SYNPR: variants seen among roughly 807,000 people sequenced by gnomAD.
SYNPR encodes synaptoporin.
Under a neutral mutation model 32.9 loss-of-function variants are expected in SYNPR, and 23 were observed. That is an observed-to-expected ratio of 0.70 (90% CI 0.50 to 0.99). The LOEUF is 0.99. Ranked by LOEUF, SYNPR falls within the 50% of genes least tolerant of loss-of-function variation. The probability of loss-of-function intolerance (pLI) is 0.00; values close to 1 mark genes in which losing one functional copy is unlikely to be tolerated. For missense variants in SYNPR, 318 were observed against 349.3 expected (o/e 0.91, Z 0.71); for synonymous variants, 146 against 135.9 (o/e 1.07, Z -0.52).
chr3:63,606,806 C>T (rs1487529200), intron 4 of SYNPR, among the ~76,000 whole-genome samples: 1 of 152,162 alleles, frequency 6.6e-6, no homozygotes, highest in African/African-American at 2.4e-5. Context: ...CCTTGCTCCT[C>T]CACTTATTCA....
At chr3:63,506,682 G>A (rs150902966) in intron 3 of SYNPR, among the ~76,000 whole-genome samples, 5 of 152,184 alleles carry the variant, frequency 3.3e-5, no homozygotes, top group African/African-American at 4.8e-5. Context: ...ATCTTTTAAC[G>A]TCACACAATT....
chr3:63,560,527 C>T (rs1006678091), intron 4 of SYNPR, among the ~76,000 whole-genome samples: 13 of 152,308 alleles, frequency 8.5e-5, no homozygotes, highest in Admixed American at 2.6e-4. Flanking sequence ...TTGTTTAAAA[C>T]CCATCCTCTT....
chr3:63,572,162 C>T (rs1702898711), intron 4 of SYNPR, among the ~76,000 whole-genome samples: 1 of 152,138 alleles, frequency 6.6e-6, no homozygotes, highest in East Asian at 1.9e-4. Flanking sequence ...GTGGCACTTT[C>T]AGTTGTGATT....
At chr3:63,551,601 CTCTT>C (rs1297524745) in intron 3 of SYNPR, among the ~76,000 whole-genome samples, 3 of 152,144 alleles carry the variant, frequency 2.0e-5, no homozygotes, top group African/African-American at 7.2e-5. Context: ...CAATCTTATA[CTCTT>C]TCTTTTTATA....
intron 3 of SYNPR, among the ~76,000 whole-genome samples, chr3:63,539,921 T>G (rs954971688): frequency 2.0e-5 from 3 of 152,048 alleles, no homozygotes; most frequent in African/African-American, 7.2e-5. Context: ...TAGGGCTGAA[T>G]CCAAAAATGT....
intron 2 of SYNPR, among the ~76,000 whole-genome samples, chr3:63,326,192 G>A (rs1316961093): frequency 6.6e-6 from 1 of 151,966 alleles, no homozygotes; most frequent in Non-Finnish European, 1.5e-5. Context: ...CTTTATTGAT[G>A]AGAAAAATGA....
intron 3 of SYNPR, among the ~76,000 whole-genome samples, chr3:63,535,635 T>A (rs914846287): frequency 6.6e-6 from 1 of 151,748 alleles, no homozygotes; most frequent in African/African-American, 2.4e-5. Context: ...TTTACACTTA[T>A]AATCAAATGA....
intron 2 of SYNPR, among the ~76,000 whole-genome samples, chr3:63,468,861 T>A (rs1700740047): frequency 6.6e-6 from 1 of 152,142 alleles, no homozygotes; most frequent in African/African-American, 2.4e-5. Context: ...GATGCTGTGC[T>A]TATCTTTCAC....
intron 5 of SYNPR, among the ~76,000 whole-genome samples, chr3:63,611,448 T>G (rs991940493): frequency 6.6e-6 from 1 of 152,168 alleles, no homozygotes; most frequent in African/African-American, 2.4e-5. Flanking sequence ...CACAATATTT[T>G]TATTACAAAT....
intron 2 of SYNPR, among the ~76,000 whole-genome samples, chr3:63,350,085 T>C (rs2087485361): frequency 6.6e-6 from 1 of 152,164 alleles, no homozygotes; most frequent in Non-Finnish European, 1.5e-5. Context: ...TCTTACATTA[T>C]ACTGTCTCAT....
At chr3:63,336,456 A>T in intron 2 of SYNPR, among the ~76,000 whole-genome samples, 1 of 145,394 alleles carries the variant, frequency 6.9e-6, no homozygotes, top group East Asian at 2.2e-4. Context: ...GTCTCAATGC[A>T]ATCCAATGGA....
intron 3 of SYNPR, among the ~76,000 whole-genome samples, chr3:63,551,601 C>T (rs1702500693): frequency 6.6e-6 from 1 of 152,144 alleles, no homozygotes; most frequent in Non-Finnish European, 1.5e-5. Flanking sequence ...CAATCTTATA[C>T]TCTTTCTTTT....
At chr3:63,263,556 C>T (rs566165350) in intron 2 of SYNPR, among the ~76,000 whole-genome samples, 16 of 152,302 alleles carry the variant, frequency 1.1e-4, no homozygotes, top group East Asian at 3.9e-4. Context: ...AGGAGGCTCA[C>T]GTCTGTTCCA....
chr3:63,527,061 T>C lies in SYNPR; in HGVS notation c.210-29482T>C, dbSNP rs527942442. On this transcript the variant is annotated intron_variant, in intron 3 of 5. Transcript: ENST00000478300. ...AGGAAATCCTTCCAAGAAGAGAAAT[T>C]TGAGTAGAGCTCTGAAGAACAGGGA... is the stretch of plus-strand genomic sequence containing the variant. 6.6e-5 allele frequency among the ~76,000 whole-genome samples: 10 copies of C among 152,170 alleles called. No homozygotes were observed. The South Asian group carries it at 2.1e-3, about 32-fold the overall frequency.
intron 2 of SYNPR, among the ~76,000 whole-genome samples, chr3:63,393,036 C>G (rs1024983668): frequency 6.6e-6 from 1 of 152,186 alleles, no homozygotes; most frequent in Non-Finnish European, 1.5e-5. Flanking sequence ...CTCAAACACA[C>G]ATGATAGCAT....
intron 3 of SYNPR, among the ~76,000 whole-genome samples, chr3:63,500,215 T>G (rs1320815267): frequency 6.6e-6 from 1 of 152,174 alleles, no homozygotes; most frequent in Non-Finnish European, 1.5e-5. Context: ...ATGCACACTT[T>G]ACCCCATCCT....
intron 1 of SYNPR, among the ~76,000 whole-genome samples, chr3:63,235,273 G>A (rs921022467): frequency 1.3e-5 from 2 of 152,194 alleles, no homozygotes; most frequent in Non-Finnish European, 1.5e-5. Context: ...TCTGGGCCAT[G>A]GAGGGCCTTG....
chr3:63,204,417 A>C, the SYNPR span, among the ~76,000 whole-genome samples: 3 of 152,064 alleles, frequency 2.0e-5, no homozygotes, highest in Non-Finnish European at 4.4e-5. Flanking sequence ...TTATAAAGGC[A>C]CTGGTCTTAT....
intron 3 of SYNPR, among the ~76,000 whole-genome samples, chr3:63,482,526 A>G (rs1357756609): frequency 6.6e-6 from 1 of 152,102 alleles, no homozygotes; most frequent in Non-Finnish European, 1.5e-5. Context: ...TCCCCACCGT[A>G]CAGCCCCTGT....
Sources: allele counts gnomAD v4.1 joint callset (sites outside exome capture counted in the v4.1 genomes callset), GRCh38; gene constraint gnomAD v4.1.1; transcripts MANE v1.5; gene names NCBI Gene and HGNC (gene_info 2026-07-23, HGNC 2026-07-21).